Variants in UMODL1 observed in about 807,000 individuals in gnomAD.
The protein encoded by UMODL1 is uromodulin-like 1.
A neutral mutation model predicts 136.3 loss-of-function variants in UMODL1; 128 were observed. That is an observed-to-expected ratio of 0.94 (90% CI 0.81 to 1.09). The LOEUF is 1.09. Among genes scored for constraint, UMODL1 ranks in the 50% least tolerant of loss-of-function variants. The probability of loss-of-function intolerance (pLI) is 0.00; values close to 1 mark genes in which losing one functional copy is unlikely to be tolerated. For synonymous variants in UMODL1, 721 were observed against 720.0 expected, an observed-to-expected ratio of 1.00 and a Z score of -0.02; for missense variants, 1,766 against 1,725.6, an observed-to-expected ratio of 1.02 and a Z score of -0.41.
chr21:42,084,389 C>G, intron 3 of UMODL1, 144 bp downstream of exon 3: 2 of 840,000 alleles, frequency 2.4e-6, no homozygotes, highest in Non-Finnish European at 3.4e-6. Flanking sequence ...GCACAGGCAG[C>G]ACCTGCTCTT....
intron 14 of UMODL1, among the ~76,000 whole-genome samples, chr21:42,116,508 A>T (rs531809733): frequency 2.8e-4 from 42 of 152,348 alleles, no homozygotes; most frequent in Non-Finnish European, 4.6e-4. Context: ...GTTAGCAGAC[A>T]GGAGGCACAA....
In UMODL1 at chr21:42,085,533, C is replaced by G; in HGVS notation, c.603+121C>G. 6.8e-7 allele frequency: 1 copy of G among 1,476,856 alleles called. No individual in the cohort carries two copies. Among genetic ancestry groups the G allele is most frequent in the East Asian group, 2.3e-5 (1 of 43,822 alleles). The allele number at this position is 1,476,856 out of a possible 1,614,324, so 91.5% of individuals were successfully genotyped here. A position where few individuals can be genotyped will look rare whatever the true frequency, so the allele number is the denominator to read the frequency against. ...GAGGGTGATGTTCCCCAAATGGCCC[C>G]AAATGACTGACTCTGAACGAAATTC... On this transcript the variant is annotated intron_variant, in intron 4 of 22. Coordinates refer to ENST00000408910, the MANE Select transcript of UMODL1 (RefSeq NM_001004416.3). The surrounding 1 kb of genome is among the most constrained non-coding windows in gnomAD (Gnocchi z 4.5).
intron 8 of UMODL1, chr21:42,103,607 C>T (rs1281276624): frequency 1.6e-6 from 1 of 612,958 alleles, no homozygotes; most frequent in African/African-American, 1.8e-5. Context: ...ATCTGATGCT[C>T]CACAACTGGG....
chr21:42,119,460 G>T, intron 15 of UMODL1, 136 bp downstream of exon 15: 1 of 756,248 alleles, frequency 1.3e-6, no homozygotes, highest in Non-Finnish European at 2.2e-6. Flanking sequence ...AGATGAAGAT[G>T]TGAAATAGAT....
At chr21:42,126,121 A>T (rs941540125) in intron 17 of UMODL1, among the ~76,000 whole-genome samples, 1 of 152,166 alleles carries the variant, frequency 6.6e-6, no homozygotes, top group South Asian at 2.1e-4. Context: ...GAATCCCCAC[A>T]GGTTCAGGTG....
chr21:42,084,246 G>C lies in UMODL1; in HGVS notation c.481+1G>C. On this transcript the variant is annotated splice_donor_variant, in intron 3 of 22. Transcript: ENST00000408910. LOFTEE classifies it high-confidence loss of function. ...TACTGCATGGCCCCTGCACCCCAAG[G>C]TAGGCTGCTGCGGGCCATGCTTATG... is the stretch of plus-strand genomic sequence containing the variant. The C allele has an allele frequency of 1.9e-6, 3 of 1,613,026 alleles. No homozygotes were observed. Among genetic ancestry groups the C allele is most frequent in the Non-Finnish European group, 2.5e-6 (3 of 1,179,816 alleles).
chr21:42,129,884 T>A (rs2067111356), intron 21 of UMODL1, 87 bp downstream of exon 21: 10 of 1,045,586 alleles, frequency 9.6e-6, no homozygotes. Flanking sequence ...GTAACTGTTG[T>A]GAAATGCAGA....
At chr21:42,084,456 C>T (rs1038899098) in intron 3 of UMODL1, among the ~76,000 whole-genome samples, 5 of 152,098 alleles carry the variant, frequency 3.3e-5, no homozygotes, top group Admixed American at 6.5e-5. Flanking sequence ...AATCTCATGG[C>T]GCTCTTAGGG....
At chr21:42,075,058 C>A (rs2066272676) in intron 1 of UMODL1, among the ~76,000 whole-genome samples, 1 of 152,060 alleles carries the variant, frequency 6.6e-6, no homozygotes, top group Admixed American at 6.6e-5. Flanking sequence ...ACCGCCACTC[C>A]CGGCTAATTT....
At chr21:42,108,190 G>A (rs1311650723) in intron 9 of UMODL1, 2 of 439,600 alleles carry the variant, frequency 4.5e-6, no homozygotes, top group Non-Finnish European at 9.5e-6. Flanking sequence ...CAGGTGCTTG[G>A]TGGTTTGAGC....
intron 9 of UMODL1, among the ~76,000 whole-genome samples, chr21:42,108,922 C>A (rs1258527995): frequency 1.5e-4 from 9 of 60,376 alleles, no homozygotes; most frequent in Non-Finnish European, 2.5e-4. Context: ...CCACCCCCCC[C>A]ACGAGAGAAG....
chr21:42,095,089 GTTTTTTTTT>G (rs58764222), intron 6 of UMODL1, among the ~76,000 whole-genome samples: 5 of 61,186 alleles, frequency 8.2e-5, no homozygotes, highest in South Asian at 1.4e-3. Context: ...TTCTTCTGCT[GTTTTTTTTT>G]TTTTTTTTTT....
rs530259401 is a variant in UMODL1 at position 42,119,228 on chromosome 21, G to A, written c.2593G>A (p.Ala865Thr). The stretch of plus-strand genomic sequence containing the variant: ...GGTGGAGTTTCACTTGCTGATAATC[G>A]CAGATGTGGATGTCCAGGAGGTGTC... ...IVVEFHLLII[A>T]DVDVQEVSAA... Residue 865 changes from alanine (A) to threonine (T), a missense_variant, in exon 15 of 23, where the codon GCA becomes ACA. Physicochemically the swap from Ala to Thr is moderately conservative, Grantham distance 58 (BLOSUM62 0). Transcript: ENST00000408910. 20 of 1,614,224 alleles carry A rather than the reference G, an allele frequency of 1.2e-5. No homozygotes were observed. Among genetic ancestry groups the A allele is most frequent in the Middle Eastern group, 1.6e-4 (1 of 6,062 alleles).
chr21:42,133,560 A>G (rs1378562340), intron 21 of UMODL1, among the ~76,000 whole-genome samples: 1 of 152,198 alleles, frequency 6.6e-6, no homozygotes, highest in African/African-American at 2.4e-5. Context: ...TGAACAACAG[A>G]AATCTGTTCT....
Position 42,111,147 on chromosome 21 carries a change from G to T in UMODL1, c.1899+26G>T, listed in dbSNP as rs749580639. The T allele has an allele frequency of 1.3e-6, 2 of 1,593,420 alleles. No homozygotes were observed. Among genetic ancestry groups the T allele is most frequent in the African/African-American group, 2.7e-5 (2 of 74,734 alleles). On this transcript the variant is annotated intron_variant, in intron 11 of 22. Coordinates refer to ENST00000408910, the MANE Select transcript of UMODL1 (RefSeq NM_001004416.3). Reference sequence around the variant, plus strand: ...GTGCCCAGCACTGCCCCGGGTCTGGGGATGGACCAGGGGAGCCCCAGCCAG... The same window carrying T: ...GTGCCCAGCACTGCCCCGGGTCTGGTGATGGACCAGGGGAGCCCCAGCCAG...
chr21:42,080,689 G>A (rs899467345), intron 2 of UMODL1, among the ~76,000 whole-genome samples: 1 of 152,218 alleles, frequency 6.6e-6, no homozygotes, highest in Non-Finnish European at 1.5e-5. Context: ...AACAGGAGGA[G>A]GAAACGATCC....
chr21:42,104,367 A>G (rs2146483610), intron 9 of UMODL1, among the ~76,000 whole-genome samples: 1 of 152,230 alleles, frequency 6.6e-6, no homozygotes, highest in East Asian at 1.9e-4. Flanking sequence ...AGGGCCCCCC[A>G]GCACTTCTGG....
chr21:42,088,645 T>C (rs532006444), intron 5 of UMODL1, among the ~76,000 whole-genome samples, 165 bp downstream of exon 5: 1 of 152,324 alleles, frequency 6.6e-6, no homozygotes, highest in Admixed American at 6.5e-5. Context: ...CCCACAGGTG[T>C]GGGACCCATC....
At chr21:42,073,468 G>T (rs1351959111) in intron 1 of UMODL1, among the ~76,000 whole-genome samples, 2 of 152,190 alleles carry the variant, frequency 1.3e-5, no homozygotes, top group Non-Finnish European at 2.9e-5. Context: ...ATCCCCAGAG[G>T]CCCTGCTGGG....
Sources: gnomAD v4.1 joint callset for allele counts (sites outside exome capture counted in the v4.1 genomes callset) on GRCh38, gnomAD v4.1.1 for gene constraint, Gnocchi (gnomAD v3.1) non-coding constraint, MANE v1.5 for transcripts, NCBI Gene and HGNC (gene_info 2026-07-23, HGNC 2026-07-21) for gene names.